The following SUPT3H variants were observed in gnomAD, a reference collection of about 807,000 sequenced individuals.
SUPT3H encodes the protein transcription initiation protein SPT3 homolog.
SUPT3H carries 44 observed loss-of-function variants against 44.3 expected under a neutral mutation model. That is an observed-to-expected ratio of 0.99 (90% confidence interval 0.78 to 1.28). SUPT3H has a LOEUF of 1.28. Among genes scored for constraint, SUPT3H ranks in the 50% most tolerant of loss-of-function variants. SUPT3H has a pLI of 0.00. For synonymous variants in SUPT3H, 124 were observed against 125.6 expected (o/e 0.99, Z 0.09); for missense variants, 380 against 387.1 (o/e 0.98, Z 0.15).
At chr6:45,039,970 C>G (rs1392820192) in intron 3 of SUPT3H, among the ~76,000 whole-genome samples, 4 of 152,124 alleles carry the variant, frequency 2.6e-5, no homozygotes, top group Non-Finnish European at 5.9e-5. Context: ...GCTTTTTAAA[C>G]TGGCAACAGG....
intron 2 of SUPT3H, among the ~76,000 whole-genome samples, chr6:45,249,551 G>A (rs545043222): frequency 1.3e-5 from 2 of 152,078 alleles, no homozygotes; most frequent in African/African-American, 4.8e-5. Flanking sequence ...AGCCCAGGGG[G>A]ATTAACTCAG....
At chr6:45,062,520 G>T (rs564343500) in intron 3 of SUPT3H, among the ~76,000 whole-genome samples, 6 of 152,162 alleles carry the variant, frequency 3.9e-5, no homozygotes, top group Admixed American at 1.3e-4. Context: ...CGCAGAAGAC[G>T]GGTGATTTCT....
intron 3 of SUPT3H, among the ~76,000 whole-genome samples, chr6:45,061,684 C>A (rs1470004257): frequency 6.6e-6 from 1 of 151,750 alleles, no homozygotes; most frequent in Non-Finnish European, 1.5e-5. Flanking sequence ...GATTGATAAT[C>A]TTTATTATAA....
chr6:45,255,412 T>C (rs931549937), intron 2 of SUPT3H, among the ~76,000 whole-genome samples: 13 of 137,538 alleles, frequency 9.5e-5, no homozygotes, highest in African/African-American at 3.5e-4. Context: ...CAACAACCTA[T>C]AATAGGTTTT....
intron 3 of SUPT3H, among the ~76,000 whole-genome samples, chr6:45,104,401 C>G (rs899545099): frequency 6.6e-6 from 1 of 152,058 alleles, no homozygotes; most frequent in Non-Finnish European, 1.5e-5. Flanking sequence ...ACCTAATATT[C>G]TACATTCAGT....
intron 2 of SUPT3H, among the ~76,000 whole-genome samples, chr6:45,138,430 G>A (rs1804656297): frequency 6.6e-6 from 1 of 151,958 alleles, no homozygotes; most frequent in Admixed American, 6.6e-5. Flanking sequence ...TTACTCATAA[G>A]GCAGAAAAGC....
chr6:45,368,040 GAA>G (rs1329508980), intron 1 of SUPT3H, among the ~76,000 whole-genome samples: 1 of 151,976 alleles, frequency 6.6e-6, no homozygotes, highest in Non-Finnish European at 1.5e-5. Flanking sequence ...CATTAAAAAA[GAA>G]AAGTCTGTTA....
intron 9 of SUPT3H, among the ~76,000 whole-genome samples, chr6:44,944,595 C>T (rs757182699): frequency 2.0e-5 from 3 of 147,600 alleles, no homozygotes; most frequent in South Asian, 2.2e-4. Flanking sequence ...CCTGTCTCTA[C>T]AAAAAAAAAT....
chr6:45,059,098 T>C (rs565361981), intron 3 of SUPT3H, among the ~76,000 whole-genome samples: 17 of 152,214 alleles, frequency 1.1e-4, no homozygotes, highest in Middle Eastern at 3.4e-3. Flanking sequence ...CTACATAGCA[T>C]AGAACCAAGT....
intron 3 of SUPT3H, among the ~76,000 whole-genome samples, chr6:45,030,296 T>G (rs1786714313): frequency 1.3e-5 from 2 of 152,178 alleles, no homozygotes; most frequent in African/African-American, 4.8e-5. Context: ...ATAAGATATT[T>G]TGGTTGCCTA....
intron 3 of SUPT3H, among the ~76,000 whole-genome samples, chr6:45,026,630 A>G (rs1039318196): frequency 1.3e-5 from 2 of 152,140 alleles, no homozygotes; most frequent in African/African-American, 4.8e-5. Context: ...TGAATCTGTA[A>G]TTCTGCTTCC....
intron 2 of SUPT3H, among the ~76,000 whole-genome samples, chr6:45,139,296 T>C (rs187337611): frequency 6.6e-6 from 1 of 152,332 alleles, no homozygotes; most frequent in East Asian, 1.9e-4. Flanking sequence ...AAACAATTAT[T>C]GTGTGCTAAA....
intron 2 of SUPT3H, among the ~76,000 whole-genome samples, chr6:45,167,515 A>G (rs1247272270): frequency 5.3e-5 from 8 of 152,022 alleles, no homozygotes; most frequent in Non-Finnish European, 1.2e-4. Context: ...ATTTTTCTCA[A>G]CCTTTTTCTG....
At chr6:45,327,609 G>A (rs950279101) in intron 2 of SUPT3H, among the ~76,000 whole-genome samples, 9 of 151,876 alleles carry the variant, frequency 5.9e-5, no homozygotes, top group Admixed American at 2.6e-4. Context: ...CCATCTAATA[G>A]ATTGATAATA....
chr6:45,323,007 C>T (rs4451123), intron 2 of SUPT3H: 2 of 1,273,010 alleles, frequency 1.6e-6, no homozygotes, highest in Non-Finnish European at 2.2e-6. Flanking sequence ...GCAAATCATC[C>T]TTAATAGAGA....
intron 2 of SUPT3H, among the ~76,000 whole-genome samples, chr6:45,355,138 C>CTTT (rs1205511889): frequency 7.6e-6 from 1 of 131,654 alleles, no homozygotes. Context: ...AAAGACCTGG[C>CTTT]TTTTTTTTTT....
At chr6:45,041,463 G>A (rs1355115115) in intron 3 of SUPT3H, among the ~76,000 whole-genome samples, 2 of 152,280 alleles carry the variant, frequency 1.3e-5, no homozygotes, top group East Asian at 1.9e-4. Context: ...ATGAGAAACT[G>A]AGAGATGACA....
chr6:45,191,763 T>C (rs1277874437), intron 2 of SUPT3H, among the ~76,000 whole-genome samples: 1 of 152,008 alleles, frequency 6.6e-6, no homozygotes, highest in Non-Finnish European at 1.5e-5. Context: ...CAAAAACGTT[T>C]ATCAAATCAC....
At chr6:45,190,598 A>T (rs1460794204) in intron 2 of SUPT3H, among the ~76,000 whole-genome samples, 1 of 152,142 alleles carries the variant, frequency 6.6e-6, no homozygotes, top group East Asian at 1.9e-4. Flanking sequence ...AGATTTTGAA[A>T]ACGTAGATAG....
Sources: gnomAD v4.1 joint callset for allele counts (sites outside exome capture counted in the v4.1 genomes callset) on GRCh38, gnomAD v4.1.1 for gene constraint, MANE v1.5 for transcripts, NCBI Gene and HGNC (gene_info 2026-07-23, HGNC 2026-07-21) for gene names.